Variants in NANS observed in about 807,000 individuals in gnomAD.
The protein encoded by NANS is N-acetylneuraminate synthase.
In NANS, 29 loss-of-function variants were observed where a neutral mutation model predicts 33.3. That is an observed-to-expected ratio of 0.87 (90% CI 0.65 to 1.19). The LOEUF (loss-of-function observed/expected upper bound fraction) is 1.19, where lower values mean the gene tolerates loss of function less well. Ranked by LOEUF, NANS falls within the 50% of genes most tolerant of loss-of-function variation. The probability of loss-of-function intolerance (pLI) is 0.00; values close to 1 mark genes in which losing one functional copy is unlikely to be tolerated. For missense variants in NANS, 394 were observed against 461.1 expected (o/e 0.85, Z 1.33); for synonymous variants, 163 against 177.2 (o/e 0.92, Z 0.64).
chr9:98,070,806 A>AATTT (rs1829306477), intron 2 of NANS, among the ~76,000 whole-genome samples: 1 of 134,746 alleles, frequency 7.4e-6, no homozygotes, highest in Non-Finnish European at 1.5e-5. Context: ...ACTCTTTAGT[A>AATTT]ATTTTTTTTT....
At position 98,056,908 on chromosome 9, in the gene NANS, G is replaced by C. The variant is rs1412949951; in HGVS notation, c.100G>C (p.Asp34His). ...EIGQNHQGDLDVAKRMIRMAK... is the reference protein window; with the variant it reads ...EIGQNHQGDLHVAKRMIRMAK... ...CGGCCAGAACCACCAGGGCGACCTG[G>C]ACGTAGCCAAGCGCATGATCCGCAT... The change falls in exon 1 of 6, where the codon GAC becomes CAC. Residue 34 changes from aspartate to histidine, a missense_variant. Coordinates refer to ENST00000210444, the MANE Select transcript of NANS (RefSeq NM_018946.4). 4 of 1,610,116 alleles carry C rather than the reference G, an allele frequency of 2.5e-6. No homozygotes were observed. The African/African-American group carries it at 5.4e-5, about 22-fold the overall frequency.
intron 3 of NANS, 196 bp from the exon 4 acceptor site, chr9:98,077,997 G>T: frequency 1.5e-6 from 1 of 679,330 alleles, no homozygotes. Context: ...GGGGGGCAGA[G>T]GGGAGCCCAC....
At position 98,056,883 on chromosome 9, in the gene NANS, C is replaced by G; in HGVS notation, c.75C>G (p.Ile25Met). The G allele has an allele frequency of 6.2e-7, 1 of 1,611,386 alleles. No individual in the cohort carries two copies. Among genetic ancestry groups the G allele is most frequent in the South Asian group, 1.1e-5 (1 of 90,974 alleles). Residue 25 changes from isoleucine to methionine, a missense_variant, in exon 1 of 6, where the codon ATC becomes ATG. By Grantham distance (10) the Ile-to-Met change is conservative (BLOSUM62 1). Transcript: ENST00000210444. ...ACCCGTGCTTCATCATTGCCGAGATCGGCCAGAACCACCAGGGCGACCTGG... is the reference window on the plus strand; with the variant it reads ...ACCCGTGCTTCATCATTGCCGAGATGGGCCAGAACCACCAGGGCGACCTGG... ...GQHPCFIIAEIGQNHQGDLDV... is the reference protein window; with the variant it reads ...GQHPCFIIAEMGQNHQGDLDV...
intron 2 of NANS, chr9:98,076,629 C>T: frequency 2.9e-6 from 1 of 344,548 alleles, no homozygotes; most frequent in Non-Finnish European, 5.2e-6. Context: ...CCCGCCTCGG[C>T]CTCCCAAAGT....
intron 2 of NANS, among the ~76,000 whole-genome samples, chr9:98,071,261 C>T (rs28489815): frequency 0.21 from 32,326 of 152,200 alleles, 3,659 homozygotes; most frequent in Admixed American, 0.27. Flanking sequence ...TACATACCCC[C>T]GACTGTATGA....
chr9:98,067,756 G>C (rs1829190796), intron 2 of NANS, among the ~76,000 whole-genome samples: 1 of 151,310 alleles, frequency 6.6e-6, no homozygotes, highest in Non-Finnish European at 1.5e-5. Context: ...GTCTTGCTCT[G>C]TCGCCCAGGC....
At chr9:98,063,232 T>G (rs1398429295) in intron 2 of NANS, among the ~76,000 whole-genome samples, 4 of 151,000 alleles carry the variant, frequency 2.6e-5, no homozygotes, top group African/African-American at 9.7e-5. Context: ...CCCAGCCCAG[T>G]TTTATTTTTT....
Position 98,062,238 on chromosome 9 carries a change from A to G in NANS, c.348+1241A>G, listed in dbSNP as rs185921460. On this transcript the variant is annotated intron_variant, in intron 2 of 5. Transcript: ENST00000210444. ...AAAAAAAAAAAAATAGAGCAAGGAA[A>G]CCACAGTTCTGGAGTCCGCTCCTTG... is the stretch of plus-strand genomic sequence containing the variant. Among the ~76,000 whole-genome samples the G allele has an allele frequency of 7.4e-3, 1,125 of 151,902 alleles. 51 individuals carry two copies. Among genetic ancestry groups the G allele is most frequent in the Admixed American group, 0.064 (978 of 15,220 alleles).
intron 2 of NANS, among the ~76,000 whole-genome samples, chr9:98,068,590 G>A (rs1169436985): frequency 6.6e-6 from 1 of 151,600 alleles, no homozygotes; most frequent in Non-Finnish European, 1.5e-5. Flanking sequence ...GAGGTAGGAG[G>A]GTCGCTTGAG....
rs141699820 is a variant in NANS, at chr9:98,056,816, T to A, written c.8T>A (p.Leu3Gln). Residue 3 changes from leucine (L) to glutamine (Q), a missense_variant, in exon 1 of 6, where the codon CTG (leucine) becomes CAG (glutamine). Physicochemically the swap from Leu to Gln is moderately radical, Grantham distance 113 (BLOSUM62 -2). Coordinates refer to ENST00000210444, the MANE Select transcript of NANS (RefSeq NM_018946.4). ...GGACCCCGAGCCGCTGCAATGCCGCTGGAGCTGGAGCTGTGTCCCGGGCGC... is the reference window on the plus strand; with the variant it reads ...GGACCCCGAGCCGCTGCAATGCCGCAGGAGCTGGAGCTGTGTCCCGGGCGC... MP[L>Q]ELELCPGRWV... 6.2e-7 allele frequency: 1 copy of A among 1,608,164 alleles called. No homozygotes were observed. The highest frequency in any genetic ancestry group is 8.5e-7 in the Non-Finnish European group (1 of 1,177,402).
chr9:98,072,497 C>T (rs1318731045), intron 2 of NANS, among the ~76,000 whole-genome samples: 1 of 151,930 alleles, frequency 6.6e-6, no homozygotes, highest in Non-Finnish European at 1.5e-5. Flanking sequence ...CTGCAACCTC[C>T]ACCTCACGGG....
chr9:98,059,875 C>T (rs1483511807), intron 1 of NANS, among the ~76,000 whole-genome samples: 5 of 152,048 alleles, frequency 3.3e-5, no homozygotes, highest in African/African-American at 4.8e-5. Context: ...TGGAGAAAAG[C>T]GCCAGTGCAA....
intron 3 of NANS, chr9:98,077,989 G>C (rs1829666084): frequency 1.6e-6 from 1 of 623,338 alleles, no homozygotes. Flanking sequence ...ACACTGTCGG[G>C]GGGCAGAGGG....
At chr9:98,073,309 G>T (rs1367890871) in intron 2 of NANS, among the ~76,000 whole-genome samples, 1 of 116,372 alleles carries the variant, frequency 8.6e-6, no homozygotes, top group African/African-American at 3.5e-5. Flanking sequence ...TTTTGAGACG[G>T]AGTCTTGCTC....
At position 98,056,802 on chromosome 9, in the gene NANS, C is replaced by T. The variant is rs925337787; in HGVS notation, c.-7C>T. 1.9e-6 allele frequency: 3 copies of T among 1,610,392 alleles called. No individual in the cohort carries two copies. Among genetic ancestry groups the T allele is most frequent in the African/African-American group, 2.7e-5 (2 of 74,736 alleles). On this transcript the variant is annotated 5_prime_UTR_variant, in exon 1 of 6. Coordinates refer to ENST00000210444, the MANE Select transcript of NANS (RefSeq NM_018946.4). ...GGTAGTGAGGCTTTGGACCCCGAGC[C>T]GCTGCAATGCCGCTGGAGCTGGAGC... is the stretch of plus-strand genomic sequence containing the variant.
At chr9:98,063,382 C>T (rs1285956313) in intron 2 of NANS, among the ~76,000 whole-genome samples, 1 of 151,986 alleles carries the variant, frequency 6.6e-6, no homozygotes, top group East Asian at 1.9e-4. Flanking sequence ...GCTGGGATTA[C>T]AGGCACCTGC....
chr9:98,081,002 C>A lies in NANS; in HGVS notation c.790C>A (p.Arg264=). The A allele has an allele frequency of 1.2e-6, 2 of 1,614,160 alleles. No individual in the cohort carries two copies. The highest frequency in any genetic ancestry group is 1.7e-6 in the Non-Finnish European group (2 of 1,180,024). The part of the protein sequence containing the change: ...LEPGELAELV[R]SVRLVERALG... ...GCCTGGAGAACTGGCCGAGCTGGTG[C>A]GGTCAGTGCGTCTTGTGGAGCGTGC... Residue 264 remains arginine (R), a synonymous_variant, in exon 5 of 6, where the codon CGG becomes AGG. Transcript: ENST00000210444.
At chr9:98,058,936 C>G (rs1828897796) in intron 1 of NANS, among the ~76,000 whole-genome samples, 1 of 152,156 alleles carries the variant, frequency 6.6e-6, no homozygotes, top group Admixed American at 6.6e-5. Flanking sequence ...TTTGAACTTT[C>G]CAGCATCAAG....
intron 4 of NANS, among the ~76,000 whole-genome samples, chr9:98,078,955 A>T (rs1344666300): frequency 6.6e-6 from 1 of 151,910 alleles, no homozygotes; most frequent in Non-Finnish European, 1.5e-5. Context: ...ATCTTTTTTC[A>T]TACTGAGTTA....
Sources: allele counts gnomAD v4.1 joint callset (sites outside exome capture counted in the v4.1 genomes callset), GRCh38; gene constraint gnomAD v4.1.1; transcripts MANE v1.5; gene names NCBI Gene and HGNC (gene_info 2026-07-23, HGNC 2026-07-21).